VSIG4: variants seen among roughly 807,000 people sequenced by gnomAD.
VSIG4 encodes the protein V-set and immunoglobulin domain-containing protein 4.
Under a neutral mutation model 23.4 loss-of-function variants are expected in VSIG4, and 34 were observed. That is an observed-to-expected ratio of 1.45 (90% CI 1.10 to 1.93). The LOEUF (loss-of-function observed/expected upper bound fraction) is 1.93, where lower values mean the gene tolerates loss of function less well. Ranked by LOEUF, VSIG4 falls within the 30% of genes most tolerant of loss-of-function variation. The probability of loss-of-function intolerance (pLI) is 0.00; values close to 1 mark genes in which losing one functional copy is unlikely to be tolerated. For synonymous variants in VSIG4, 169 were observed against 120.3 expected (o/e 1.41, Z -2.65); for missense variants, 433 against 310.8 (o/e 1.39, Z -2.96).
chrX:66,023,300 C>T (rs2085353887), intron 6 of VSIG4, among the ~76,000 whole-genome samples: 1 of 110,895 alleles, frequency 9.0e-6, no homozygotes, highest in Non-Finnish European at 1.9e-5. Flanking sequence ...TTCCCAAATG[C>T]ACTCACCCCC....
Position 66,022,356 on chromosome X carries a change from G to T in VSIG4, c.1107C>A (p.Ile369=). 1 of 1,212,319 alleles carries T rather than the reference G, an allele frequency of 8.2e-7. No homozygotes were observed. Among genetic ancestry groups the T allele is most frequent in the Non-Finnish European group, 1.1e-6 (1 of 895,609 alleles). The change falls in exon 8 of 8, where the codon ATC becomes ATA. Residue 369 remains isoleucine (I), a synonymous_variant. Transcript: ENST00000374737. ...CGTAGTTGCCATTGATCTGGGCGAT[G>T]ATCTGGTACTCCTGTCCTATGCAGG... is the stretch of plus-strand genomic sequence containing the variant. The part of the protein sequence containing the change: ...DEPCIGQEYQ[I]IAQINGNYAR...
chrX:66,039,049 A>G (rs756456368), intron 1 of VSIG4, among the ~76,000 whole-genome samples: 1 of 112,039 alleles, frequency 8.9e-6, no homozygotes, highest in South Asian at 3.7e-4. Context: ...CCAAGCTCCA[A>G]GGAAATAATG....
In VSIG4 at chrX:66,032,563, G is replaced by A; in HGVS notation, c.599C>T (p.Pro200Leu). The A allele has an allele frequency of 8.3e-7, 1 of 1,211,622 alleles. No homozygotes were observed. Among genetic ancestry groups the A allele is most frequent in the Non-Finnish European group, 1.1e-6 (1 of 895,371 alleles). Residue 200 changes from proline (P) to leucine (L), a missense_variant, in exon 3 of 8, where the codon CCT becomes CTT. Pro to Leu is a moderately conservative substitution (Grantham distance 98, BLOSUM62 -3). Transcript: ENST00000374737. Reference sequence around the variant, plus strand: ...GGAGCCTGAGTCGGCTATCACCGCAGGCTTGAAGAGTAAGGTACTTAGGGT... The same window carrying A: ...GGAGCCTGAGTCGGCTATCACCGCAAGCTTGAAGAGTAAGGTACTTAGGGT... The part of the protein sequence containing the change: ...VATLSTLLFK[P>L]AVIADSGSYF...
intron 3 of VSIG4, among the ~76,000 whole-genome samples, chrX:66,028,553 A>G (rs927426201): frequency 4.0e-5 from 4 of 98,841 alleles, no homozygotes; most frequent in African/African-American, 8.2e-5. Flanking sequence ...ATTTGACGTA[A>G]TCAACTTTTT....
intron 5 of VSIG4, among the ~76,000 whole-genome samples, chrX:66,025,489 T>G (rs1464569632): frequency 1.8e-5 from 2 of 112,265 alleles, no homozygotes; most frequent in Non-Finnish European, 3.8e-5. Flanking sequence ...TTATTAAGAT[T>G]CTGGTCAGTT....
intron 1 of VSIG4, among the ~76,000 whole-genome samples, chrX:66,037,401 A>T (rs1243102278): frequency 2.5e-5 from 1 of 39,660 alleles, no homozygotes. Context: ...ATTATGTAAT[A>T]ATATTAATAT....
At position 66,027,538 on chromosome X, in the gene VSIG4, G is replaced by T; in HGVS notation, c.758-12C>A. 1.7e-6 allele frequency: 2 copies of T among 1,162,381 alleles called. No homozygotes were observed. Among genetic ancestry groups the T allele is most frequent in the Non-Finnish European group, 2.3e-6 (2 of 857,402 alleles). On this transcript the variant is annotated splice_polypyrimidine_tract_variant and intron_variant, in intron 4 of 7. Coordinates refer to ENST00000374737, the MANE Select transcript of VSIG4 (RefSeq NM_007268.3). ...CACTGTAGATGTTGCTATGAATATA[G>T]AGAATAGGGTCAGAGATGTCTCTCT...
At chrX:66,030,057 C>A (rs1053201628) in intron 3 of VSIG4, among the ~76,000 whole-genome samples, 2 of 111,642 alleles carry the variant, frequency 1.8e-5, no homozygotes, top group Admixed American at 9.5e-5. Flanking sequence ...AAAGAGCCAA[C>A]AAAGGTGTCT....
chrX:66,024,951 A>G (rs2085372836), intron 6 of VSIG4, 74 bp downstream of exon 6: 7 of 797,435 alleles, frequency 8.8e-6, no homozygotes, highest in Middle Eastern at 2.9e-4. Flanking sequence ...AATGCCTGAT[A>G]CAGAATTTAG....
intron 1 of VSIG4, among the ~76,000 whole-genome samples, chrX:66,036,903 AAT>A (rs2085571502): frequency 3.0e-5 from 1 of 33,152 alleles, no homozygotes; most frequent in African/African-American, 2.0e-4. Flanking sequence ...TTTATTATAT[AAT>A]ATATTATATG....
chrX:66,033,697 G>T lies in VSIG4; in HGVS notation c.189C>A (p.Asp63Glu). ...AGTCACGTAGAAAGATGGTGACAGGGTCTGAGCCACGTTGTACCAGCCACT... is the reference window on the plus strand; with the variant it reads ...AGTCACGTAGAAAGATGGTGACAGGTTCTGAGCCACGTTGTACCAGCCACT... Reference protein sequence around the residue: ...LVKWLVQRGSDPVTIFLRDSS... With the variant: ...LVKWLVQRGSEPVTIFLRDSS... The change falls in exon 2 of 8, where the codon GAC (aspartate) becomes GAA (glutamate). Residue 63 changes from aspartate to glutamate, a missense_variant. Coordinates refer to ENST00000374737, the MANE Select transcript of VSIG4 (RefSeq NM_007268.3). 1 of 1,211,604 alleles carries T rather than the reference G, an allele frequency of 8.3e-7. No individual in the cohort carries two copies. The highest frequency in any genetic ancestry group is 1.1e-6 in the Non-Finnish European group (1 of 895,453).
Position 66,027,460 on chromosome X carries a change from C to T in VSIG4, c.824G>A (p.Ser275Asn). The T allele has an allele frequency of 8.3e-7, 1 of 1,203,335 alleles. No individual in the cohort carries two copies. Among genetic ancestry groups the T allele is most frequent in the Non-Finnish European group, 1.1e-6 (1 of 890,455 alleles). ...TDMDGYLGET[S>N]AGPGKSLPVF... ...GACAATATTCCTACCTGGCCCAGCACTGGTCTCTCCAAGGTAGCCATCCAT... is the reference window on the plus strand; with the variant it reads ...GACAATATTCCTACCTGGCCCAGCATTGGTCTCTCCAAGGTAGCCATCCAT... The change falls in exon 5 of 8, where the codon AGT (serine) becomes AAT (asparagine). Residue 275 changes from serine (S) to asparagine (N), a missense_variant. Ser to Asn is a conservative substitution (Grantham distance 46). Transcript: ENST00000374737.
intron 7 of VSIG4, 148 bp downstream of exon 7, chrX:66,022,693 A>G: frequency 8.7e-7 from 1 of 1,143,681 alleles, no homozygotes; most frequent in Non-Finnish European, 1.2e-6. Flanking sequence ...GGTGCCTGAG[A>G]GAGGGAAGGC....
Position 66,021,853 on chromosome X carries a change from G to C in VSIG4, c.*410C>G. 3.4e-6 allele frequency: 1 copy of C among 293,960 alleles called. No homozygotes were observed. Among genetic ancestry groups the C allele is most frequent in the Non-Finnish European group, 6.3e-6 (1 of 159,671 alleles). The allele number at this position is 293,960 out of a possible 1,213,427, so 24.2% of individuals were successfully genotyped here. On this transcript the variant is annotated 3_prime_UTR_variant, in exon 8 of 8. Coordinates refer to ENST00000374737, the MANE Select transcript of VSIG4 (RefSeq NM_007268.3). ...GAAATAACAATTTCAATTAAAAGCTGTCTGGCCCTGAAGAAAGAGAAATGA... is the reference window on the plus strand; with the variant it reads ...GAAATAACAATTTCAATTAAAAGCTCTCTGGCCCTGAAGAAAGAGAAATGA...
Position 66,032,471 on chromosome X carries a change from T to C in VSIG4, c.691A>G (p.Lys231Glu), listed in dbSNP as rs781128727. 2 of 1,208,993 alleles carry C rather than the reference T, an allele frequency of 1.7e-6. No individual in the cohort carries two copies. Among genetic ancestry groups the C allele is most frequent in the Non-Finnish European group, 2.2e-6 (2 of 893,482 alleles). Residue 231 changes from lysine to glutamate, a missense_variant, in exon 3 of 8, where the codon AAA becomes GAA. By Grantham distance (56) the Lys-to-Glu change is moderately conservative (BLOSUM62 1). Coordinates refer to ENST00000374737, the MANE Select transcript of VSIG4 (RefSeq NM_007268.3). ...ACCAGGAAAGAGGGCCGCTCACCTT[T>C]GACCACAAACTTCACAATGTCGCTG... ...QHSDIVKFVV[K>E]DSSKLLKTKT...
intron 1 of VSIG4, 116 bp downstream of exon 1, chrX:66,039,828 C>T: frequency 1.2e-6 from 1 of 866,197 alleles, no homozygotes; most frequent in Non-Finnish European, 1.6e-6. Context: ...CAGAGTTTGG[C>T]TGAGAAGACT....
At position 66,028,045 on chromosome X, in the gene VSIG4, C is replaced by T; in HGVS notation, c.757+5G>A. ...ACTACTTCCTCAGACTCTAGCAAAACTCACCTTTCAAGGGGTATGTCATGG... is the reference window on the plus strand; with the variant it reads ...ACTACTTCCTCAGACTCTAGCAAAATTCACCTTTCAAGGGGTATGTCATGG... On this transcript the variant is annotated splice_donor_5th_base_variant and intron_variant, in intron 4 of 7. Coordinates refer to ENST00000374737, the MANE Select transcript of VSIG4 (RefSeq NM_007268.3). 3 of 1,209,493 alleles carry T rather than the reference C, an allele frequency of 2.5e-6. No homozygotes were observed. Among genetic ancestry groups the T allele is most frequent in the Non-Finnish European group, 3.4e-6 (3 of 893,683 alleles).
chrX:66,022,503 A>T lies in VSIG4; in HGVS notation c.963-3T>A. The T allele has an allele frequency of 8.3e-7, 1 of 1,210,675 alleles. No homozygotes were observed. Among genetic ancestry groups the T allele is most frequent in the Non-Finnish European group, 1.1e-6 (1 of 895,184 alleles). ...CGTTGGCCTCTCTGGCATGTGCCCTATGGCCCAAGAGCCCACCACCCATAA... is the reference window on the plus strand; with the variant it reads ...CGTTGGCCTCTCTGGCATGTGCCCTTTGGCCCAAGAGCCCACCACCCATAA... On this transcript the variant is annotated splice_region_variant and splice_polypyrimidine_tract_variant and intron_variant, in intron 7 of 7. Coordinates refer to ENST00000374737, the MANE Select transcript of VSIG4 (RefSeq NM_007268.3).
rs1285283128 is a variant in VSIG4 at position 66,024,927 on chromosome X, G to GA, written c.940+97dup. ...TCCCAAACTAGGCTGGGAGCTTCTT[G>GA]AAGTGCCTAACACAATGCCTGATAC... On this transcript the variant is annotated intron_variant, in intron 6 of 7. Transcript: ENST00000374737. 1.9e-5 allele frequency: 11 copies of GA among 588,063 alleles called. No homozygotes were observed. In the African/African-American group the frequency reaches 2.6e-4, roughly 14 times the overall value. 48.5% of individuals were successfully genotyped at this position (588,063 alleles called of 1,213,427 possible).
Sources: allele counts gnomAD v4.1 joint callset (sites outside exome capture counted in the v4.1 genomes callset), GRCh38; gene constraint gnomAD v4.1.1; transcripts MANE v1.5; gene names NCBI Gene and HGNC (gene_info 2026-07-23, HGNC 2026-07-21).